Variants in CLK1 observed in about 807,000 individuals in gnomAD.
The protein encoded by CLK1 is CDC like kinase 1.
Under a neutral mutation model 60.9 loss-of-function variants are expected in CLK1, and 40 were observed. That is an observed-to-expected ratio of 0.66 (90% CI 0.51 to 0.86). The LOEUF (loss-of-function observed/expected upper bound fraction) is 0.86. CLK1 is among the 40% of genes least tolerant of loss of function. The pLI is 0.00. For missense variants in CLK1, 563 were observed against 606.1 expected (o/e 0.93, Z 0.75); for synonymous variants, 203 against 184.4 (o/e 1.10, Z -0.82).
rs764435537 is a variant in CLK1 at position 200,855,012 on chromosome 2, C to G, written c.1132G>C (p.Val378Leu). Residue 378 changes from valine (V) to leucine (L), a missense_variant, in exon 10 of 13, where the codon GTA becomes CTA. This residue lies in a region of CLK1 where 360 missense variants were observed against 407.0 expected (regional missense o/e 0.88). Transcript: ENST00000321356. Reference sequence around the variant, plus strand: ...AGATCATTGTCACTTACTGGAAATACGGTAAACCCAAGATAGTATTCAATA... The same window carrying G: ...AGATCATTGTCACTTACTGGAAATAGGGTAAACCCAAGATAGTATTCAATA... Reference protein sequence around the residue: ...ILIEYYLGFTVFPTHDSKEHL... With the variant: ...ILIEYYLGFTLFPTHDSKEHL... The G allele has an allele frequency of 6.2e-7, 1 of 1,610,590 alleles. No individual in the cohort carries two copies. The highest frequency in any genetic ancestry group is 8.5e-7 in the Non-Finnish European group (1 of 1,178,232).
At chr2:200,853,680 A>G (rs79427293) in intron 12 of CLK1, among the ~76,000 whole-genome samples, 357 of 10,868 alleles carry the variant, frequency 0.033, no homozygotes, top group African/African-American at 0.045. Flanking sequence ...TCTTTACTTG[A>G]AAAAAAAAAA....
Position 200,864,208 on chromosome 2 carries a change from G to C in CLK1, c.-1+356C>G, listed in dbSNP as rs1489410181. On this transcript the variant is annotated intron_variant, in intron 1 of 12. Transcript: ENST00000321356. ...CTTTCCGGCCACAGGGCCGAAGCCG[G>C]CCTCCGCCCAGCCGCCATCTTACAG... 6 of 1,549,364 alleles carry C rather than the reference G, an allele frequency of 3.9e-6. No individual in the cohort carries two copies. The East Asian group carries it at 1.5e-4, about 38-fold the overall frequency.
chr2:200,861,962 C>T, intron 1 of CLK1, 100 bp from the exon 2 acceptor site: 1 of 898,914 alleles, frequency 1.1e-6, no homozygotes, highest in Admixed American at 2.6e-5. Context: ...GTTTTAAGAC[C>T]AAAATTCAAG....
chr2:200,853,254 T>A lies in CLK1; in HGVS notation c.*52A>T, dbSNP rs1328394257. 2.2e-6 allele frequency: 3 copies of A among 1,343,286 alleles called. No homozygotes were observed. Among genetic ancestry groups the A allele is most frequent in the Non-Finnish European group, 3.0e-6 (3 of 990,846 alleles). 83.2% of individuals were successfully genotyped at this position (1,343,286 alleles called of 1,614,324 possible). On this transcript the variant is annotated 3_prime_UTR_variant, in exon 13 of 13. Coordinates refer to ENST00000321356, the MANE Select transcript of CLK1 (RefSeq NM_004071.4). ...ACAAAATAACTTAAAATTTAAAAAT[T>A]AGACTGATACAGTCTGTAAGATCTC... is the stretch of plus-strand genomic sequence containing the variant.
intron 9 of CLK1, among the ~76,000 whole-genome samples, chr2:200,856,271 C>T (rs1205675854): frequency 6.6e-6 from 1 of 151,896 alleles, no homozygotes; most frequent in East Asian, 2.0e-4. Context: ...GGGGTTTCAC[C>T]ATATTAGCCA....
At chr2:200,862,644 GC>G (rs1045009735) in intron 1 of CLK1, among the ~76,000 whole-genome samples, 2 of 152,202 alleles carry the variant, frequency 1.3e-5, no homozygotes, top group Admixed American at 1.3e-4. Flanking sequence ...CACAAAGCCT[GC>G]CTTTAGTGGT....
At position 200,853,230 on chromosome 2, in the gene CLK1, C is replaced by G. The variant is rs146892344; in HGVS notation, c.*76G>C. 9 of 1,152,600 alleles carry G rather than the reference C, an allele frequency of 7.8e-6. No homozygotes were observed. The South Asian group carries it at 1.6e-4, about 21-fold the overall frequency. 71.4% of individuals were successfully genotyped at this position (1,152,600 alleles called of 1,614,324 possible). On this transcript the variant is annotated 3_prime_UTR_variant, in exon 13 of 13. Transcript: ENST00000321356. ...AATGTTAAGAATTTACAAAGCTGTACAAAATAACTTAAAATTTAAAAATTA... is the reference window on the plus strand; with the variant it reads ...AATGTTAAGAATTTACAAAGCTGTAGAAAATAACTTAAAATTTAAAAATTA...
intron 11 of CLK1, 39 bp from the exon 12 acceptor site, chr2:200,854,032 GAAAACTT>G: frequency 7.0e-7 from 1 of 1,426,018 alleles, no homozygotes; most frequent in Non-Finnish European, 9.8e-7. Flanking sequence ...TTATAACACT[GAAAACTT>G]AAAACAGCTA....
intron 1 of CLK1, among the ~76,000 whole-genome samples, chr2:200,862,492 C>T (rs1388133286): frequency 1.3e-5 from 2 of 152,052 alleles, no homozygotes; most frequent in East Asian, 3.8e-4. Context: ...AGATCCGCCC[C>T]CTGCTCCCAA....
intron 1 of CLK1, among the ~76,000 whole-genome samples, chr2:200,862,517 C>T (rs1197901969): frequency 6.6e-6 from 1 of 152,102 alleles, no homozygotes; most frequent in Non-Finnish European, 1.5e-5. Context: ...TTGCTCTTAA[C>T]TCCACCGCCT....
At chr2:200,857,177 G>A (rs1179653420) in intron 7 of CLK1, 192 bp from the exon 8 acceptor site, 8 of 569,846 alleles carry the variant, frequency 1.4e-5, no homozygotes, top group East Asian at 3.0e-5. Context: ...GTGGTGGCGT[G>A]TGCCTGTAGT....
chr2:200,856,584 A>G (rs2039047874), intron 9 of CLK1, 98 bp downstream of exon 9: 3 of 951,144 alleles, frequency 3.2e-6, no homozygotes, highest in Non-Finnish European at 4.8e-6. Flanking sequence ...CTTAAAGAGA[A>G]TATGATAAAG....
intron 5 of CLK1, among the ~76,000 whole-genome samples, chr2:200,858,544 A>C (rs1575078662): frequency 6.6e-6 from 1 of 151,904 alleles, no homozygotes; most frequent in East Asian, 1.9e-4. Context: ...CAAAAATATG[A>C]AAATTAGCCA....
intron 11 of CLK1, 133 bp downstream of exon 11, chr2:200,854,483 C>T: frequency 1.7e-6 from 1 of 585,490 alleles, no homozygotes; most frequent in Non-Finnish European, 3.0e-6. Context: ...TTGCATTGAG[C>T]CGAGGTCACG....
Position 200,855,623 on chromosome 2 carries a change from C to A in CLK1, c.1058-537G>T, listed in dbSNP as rs568891977. Among the ~76,000 whole-genome samples, 7 of 147,332 alleles carry A rather than the reference C, an allele frequency of 4.8e-5. No individual in the cohort carries two copies. The South Asian group carries it at 1.3e-3, about 27-fold the overall frequency. On this transcript the variant is annotated intron_variant, in intron 9 of 12. Coordinates refer to ENST00000321356, the MANE Select transcript of CLK1 (RefSeq NM_004071.4). ...CTGGGTGACAGAGCAAGACTCCGCC[C>A]CCCCCCCAAAAAATTATATATATAC...
At chr2:200,856,203 TG>T (rs1280975896) in intron 9 of CLK1, among the ~76,000 whole-genome samples, 1 of 151,788 alleles carries the variant, frequency 6.6e-6, no homozygotes, top group African/African-American at 2.4e-5. Flanking sequence ...CCTGAGTAGC[TG>T]GAACTACTGA....
chr2:200,854,782 G>A (rs1187158013), intron 10 of CLK1, 87 bp from the exon 11 acceptor site: 4 of 1,007,682 alleles, frequency 4.0e-6, no homozygotes, highest in Non-Finnish European at 4.7e-6. Flanking sequence ...TAACATTAAG[G>A]CTTGCAGAAC....
Position 200,853,135 on chromosome 2 carries a change from G to A in CLK1, c.*171C>T, listed in dbSNP as rs1029429671. The A allele has an allele frequency of 2.2e-6, 1 of 462,402 alleles. No individual in the cohort carries two copies. The highest frequency in any genetic ancestry group is 4.0e-5 in the Admixed American group (1 of 24,908). 28.6% of individuals were successfully genotyped at this position (462,402 alleles called of 1,614,324 possible). A position where few individuals can be genotyped will look rare whatever the true frequency, so the allele number is the denominator to read the frequency against. On this transcript the variant is annotated 3_prime_UTR_variant, in exon 13 of 13. Coordinates refer to ENST00000321356, the MANE Select transcript of CLK1 (RefSeq NM_004071.4). ...AAATCACTTTACAATTACTGAAAAA[G>A]ATGTTCATTACCTTAGCTATGTACT...
intron 1 of CLK1, among the ~76,000 whole-genome samples, chr2:200,863,591 C>T (rs1350789253): frequency 6.6e-6 from 1 of 152,052 alleles, no homozygotes; most frequent in African/African-American, 2.4e-5. Context: ...GGCGCAGTGG[C>T]TCACACCTGT....
Sources: allele counts gnomAD v4.1 joint callset (sites outside exome capture counted in the v4.1 genomes callset), GRCh38; gene constraint gnomAD v4.1.1; regional missense constraint gnomAD v4.1.1; transcripts MANE v1.5; gene names NCBI Gene and HGNC (gene_info 2026-07-23, HGNC 2026-07-21).